The following AFAP1 variants were observed in gnomAD, a reference collection of about 807,000 sequenced individuals.
AFAP1 encodes the protein actin filament associated protein 1, also known as actin filament-associated protein 1.
In AFAP1, 75 loss-of-function variants were observed where a neutral mutation model predicts 93.9. The observed-to-expected ratio is 0.80, with a 90% confidence interval of 0.66 to 0.97. AFAP1 has a LOEUF of 0.97. AFAP1 is among the 50% of genes least tolerant of loss of function. The pLI, the probability that AFAP1 is intolerant of heterozygous loss-of-function variation, is 0.00. For missense variants in AFAP1, 1,201 were observed against 1,050.8 expected (o/e 1.14, Z -1.98); for synonymous variants, 517 against 430.7 (o/e 1.20, Z -2.48).
chr4:7,818,114 C>T (rs973398907), intron 7 of AFAP1, among the ~76,000 whole-genome samples: 1 of 152,044 alleles, frequency 6.6e-6, no homozygotes, highest in Non-Finnish European at 1.5e-5. Flanking sequence ...AGCAGCCTGC[C>T]CTCTGTAATG....
intron 1 of AFAP1, among the ~76,000 whole-genome samples, chr4:7,893,090 C>CGG (rs1553852779): frequency 6.6e-6 from 1 of 151,890 alleles, no homozygotes; most frequent in Non-Finnish European, 1.5e-5. Flanking sequence ...GCCCCGGTGC[C>CGG]GGGGGGGCAG....
intron 8 of AFAP1, among the ~76,000 whole-genome samples, chr4:7,811,729 C>T (rs989677600): frequency 1.3e-5 from 2 of 152,184 alleles, no homozygotes; most frequent in Non-Finnish European, 1.5e-5. Flanking sequence ...AGACAGCCCT[C>T]GCTAGACACC....
At chr4:7,773,294 A>G (rs562894109) in intron 15 of AFAP1, 7 of 377,366 alleles carry the variant, frequency 1.9e-5, no homozygotes, top group Non-Finnish European at 2.9e-5. Flanking sequence ...CAATGTTCTC[A>G]TTTTAAAACG....
intron 6 of AFAP1, among the ~76,000 whole-genome samples, chr4:7,831,118 C>G (rs1711554938): frequency 6.6e-6 from 1 of 152,142 alleles, no homozygotes. Context: ...TTTTACATCT[C>G]TAAGTGTTTC....
chr4:7,827,849 C>T (rs575892080), intron 6 of AFAP1, among the ~76,000 whole-genome samples: 4 of 152,058 alleles, frequency 2.6e-5, no homozygotes, highest in Admixed American at 6.6e-5. Flanking sequence ...ACGTCTCATC[C>T]GAGCGAGGGA....
chr4:7,788,719 C>T (rs1178582817), intron 11 of AFAP1: 1 of 152,172 alleles, frequency 6.6e-6, no homozygotes, highest in Non-Finnish European at 1.5e-5. Flanking sequence ...TTTAGGGAGA[C>T]AGCGCTATGT....
At position 7,786,186 on chromosome 4, in the gene AFAP1, G is replaced by T. The variant is rs775681602; in HGVS notation, c.1530+8C>A. 4 of 1,610,732 alleles carry T rather than the reference G, an allele frequency of 2.5e-6. No individual in the cohort carries two copies. The highest frequency in any genetic ancestry group is 3.4e-6 in the Non-Finnish European group (4 of 1,177,552). The stretch of plus-strand genomic sequence containing the variant: ...AACCAACCATTACTCCAAAAAAAGG[G>T]CACTCACCGAGCCGTTGATGCACGG... On this transcript the variant is annotated splice_region_variant and intron_variant, in intron 12 of 17. Transcript: ENST00000420658.
At position 7,939,767 on chromosome 4, in the gene AFAP1, G is replaced by T; in HGVS notation, c.-114C>A. The T allele has an allele frequency of 2.5e-6, 1 of 398,074 alleles. No homozygotes were observed. The allele number at this position is 398,074 out of a possible 1,614,324, so 24.7% of individuals were successfully genotyped here. On this transcript the variant is annotated 5_prime_UTR_variant, in exon 1 of 18. Coordinates refer to ENST00000420658, the MANE Select transcript of AFAP1 (RefSeq NM_001134647.2). This position sits in a 1 kb window ranked among gnomAD's most constrained non-coding sequence, Gnocchi z 5.6. ...CGCCTTAACAATGGAGCCCCGGGGCGGGGCCGCCGCCGCCGCCTCAGCCCG... is the reference window on the plus strand; with the variant it reads ...CGCCTTAACAATGGAGCCCCGGGGCTGGGCCGCCGCCGCCGCCTCAGCCCG...
intron 1 of AFAP1, among the ~76,000 whole-genome samples, chr4:7,913,578 A>G (rs528738233): frequency 1.8e-4 from 28 of 152,310 alleles, no homozygotes; most frequent in East Asian, 1.5e-3. Flanking sequence ...TACTGTTTAC[A>G]TAAGTATCAC....
intron 7 of AFAP1, 81 bp downstream of exon 7, chr4:7,818,995 A>C: frequency 7.8e-7 from 1 of 1,287,650 alleles, no homozygotes; most frequent in South Asian, 1.7e-5. Flanking sequence ...TGAAATTCTC[A>C]GAGATTGTTA....
At chr4:7,930,760 A>G (rs1426141896) in intron 1 of AFAP1, among the ~76,000 whole-genome samples, 1 of 152,006 alleles carries the variant, frequency 6.6e-6, no homozygotes, top group East Asian at 1.9e-4. Flanking sequence ...TATCACAATA[A>G]TTTTTTTTGA....
In AFAP1 at chr4:7,786,233, C is replaced by T. The variant is rs370469870; in HGVS notation, c.1491G>A (p.Thr497=). The part of the protein sequence containing the change: ...TSNGYAHPSG[T]ALHYDDVPCI... The stretch of plus-strand genomic sequence containing the variant: ...ACGGGACATCGTCATAATGAAGTGC[C>T]GTCCCGCTGGGGTGGGCATAGCCGT... The change falls in exon 12 of 18, where the codon ACG becomes ACA. Residue 497 remains threonine (T), a synonymous_variant. Transcript: ENST00000420658. 3.7e-6 allele frequency: 6 copies of T among 1,613,964 alleles called. No homozygotes were observed. Among genetic ancestry groups the T allele is most frequent in the African/African-American group, 1.3e-5 (1 of 74,902 alleles).
chr4:7,862,521 G>A (rs978663936), intron 3 of AFAP1, among the ~76,000 whole-genome samples: 2 of 151,932 alleles, frequency 1.3e-5, no homozygotes, highest in African/African-American at 2.4e-5. Context: ...TACTACGAAT[G>A]TACTTCATGA....
chr4:7,911,416 A>G lies in AFAP1; in HGVS notation c.-3+28240T>C, dbSNP rs115379899. Among the ~76,000 whole-genome samples the G allele has an allele frequency of 7.3e-3, 1,107 of 152,336 alleles. 7 individuals carry two copies. The highest frequency in any genetic ancestry group is 0.024 in the African/African-American group (995 of 41,574). On this transcript the variant is annotated intron_variant, in intron 1 of 17. Transcript: ENST00000420658. ...GCATGTACAACACAGGCGCCCAGTGATATCATCAGGCAGAACTATGAATGT... is the reference window on the plus strand; with the variant it reads ...GCATGTACAACACAGGCGCCCAGTGGTATCATCAGGCAGAACTATGAATGT...
At chr4:7,913,198 G>A (rs988495805) in intron 1 of AFAP1, among the ~76,000 whole-genome samples, 7 of 152,138 alleles carry the variant, frequency 4.6e-5, no homozygotes, top group African/African-American at 1.4e-4. Context: ...AGACCAGCCT[G>A]AGCAACACAG....
intron 6 of AFAP1, among the ~76,000 whole-genome samples, chr4:7,827,654 A>C (rs1211152123): frequency 6.7e-6 from 1 of 149,512 alleles, no homozygotes; most frequent in East Asian, 2.0e-4. Flanking sequence ...GAAGCTTTTG[A>C]GAGACACCAA....
At chr4:7,861,484 T>C (rs138610179) in intron 3 of AFAP1, among the ~76,000 whole-genome samples, 44 of 152,382 alleles carry the variant, frequency 2.9e-4, no homozygotes, top group African/African-American at 1.0e-3. Flanking sequence ...CCCCATTCCA[T>C]TGTGATCACT....
Position 7,863,222 on chromosome 4 carries a change from C to T in AFAP1, c.225+5400G>A, listed in dbSNP as rs565571857. Among the ~76,000 whole-genome samples the T allele has an allele frequency of 2.0e-5, 3 of 152,252 alleles. No individual in the cohort carries two copies. The South Asian group carries it at 6.2e-4, about 32-fold the overall frequency. ...CCTGAGCCCAGGAGTTTGAAAGCAGCCTGGGCAACATGGTGAAAACCCTGT... is the reference window on the plus strand; with the variant it reads ...CCTGAGCCCAGGAGTTTGAAAGCAGTCTGGGCAACATGGTGAAAACCCTGT... On this transcript the variant is annotated intron_variant, in intron 3 of 17. Coordinates refer to ENST00000420658, the MANE Select transcript of AFAP1 (RefSeq NM_001134647.2).
chr4:7,914,208 C>T (rs1288474723), intron 1 of AFAP1, among the ~76,000 whole-genome samples: 2 of 152,146 alleles, frequency 1.3e-5, no homozygotes, highest in South Asian at 4.1e-4. Context: ...GCACCCACCA[C>T]CACGCCCAGC....
Sources: gnomAD v4.1 joint callset for allele counts (sites outside exome capture counted in the v4.1 genomes callset) on GRCh38, gnomAD v4.1.1 for gene constraint, Gnocchi (gnomAD v3.1) non-coding constraint, MANE v1.5 for transcripts, NCBI Gene and HGNC (gene_info 2026-07-23, HGNC 2026-07-21) for gene names.